Variants in WDR19 observed in about 807,000 individuals in gnomAD.
WDR19 encodes the protein WD repeat domain 19, also known as WD repeat-containing protein 19.
Under a neutral mutation model 180.0 loss-of-function variants are expected in WDR19, and 121 were observed. The ratio of observed to expected loss-of-function variants is 0.67; its 90% CI spans 0.58 to 0.78. WDR19 has a LOEUF of 0.78. Among genes scored for constraint, WDR19 ranks in the 30% least tolerant of loss-of-function variants. The pLI is 0.00. For synonymous variants in WDR19, 497 were observed against 540.7 expected (o/e 0.92, Z 1.12); for missense variants, 1,450 against 1,640.7 (o/e 0.88, Z 2.01).
chr4:39,247,106 T>A (rs1453589648), intron 24 of WDR19, among the ~76,000 whole-genome samples: 3 of 152,052 alleles, frequency 2.0e-5, no homozygotes, highest in Non-Finnish European at 2.9e-5. Flanking sequence ...CACCCCCCAG[T>A]AGGGGCGGAC....
chr4:39,269,667 GA>G (rs544701885), intron 30 of WDR19, among the ~76,000 whole-genome samples: 27 of 152,280 alleles, frequency 1.8e-4, no homozygotes, highest in Non-Finnish European at 2.5e-4. Context: ...GCAACATGGT[GA>G]AAACCTTGTC....
chr4:39,266,289 C>T, intron 29 of WDR19, 149 bp downstream of exon 29: 1 of 543,990 alleles, frequency 1.8e-6, no homozygotes, highest in Non-Finnish European at 3.1e-6. Flanking sequence ...AGCGTCCAAT[C>T]TTTTTGCTTC....
chr4:39,254,500 C>T (rs1429287919), intron 26 of WDR19, among the ~76,000 whole-genome samples: 1 of 152,076 alleles, frequency 6.6e-6, no homozygotes, highest in Admixed American at 6.6e-5. Flanking sequence ...ATTTGATATT[C>T]TGAGAATGCC....
chr4:39,244,419 G>A, intron 22 of WDR19, 31 bp downstream of exon 22: 1 of 1,613,800 alleles, frequency 6.2e-7, no homozygotes, highest in Non-Finnish European at 8.5e-7. Context: ...ATATACATGT[G>A]GTCTTTTATA....
intron 27 of WDR19, among the ~76,000 whole-genome samples, chr4:39,256,298 A>G (rs1046037560): frequency 4.6e-5 from 7 of 152,112 alleles, no homozygotes; most frequent in African/African-American, 1.7e-4. Flanking sequence ...TTGTTCCCCA[A>G]ATAATAGTTG....
At chr4:39,228,732 T>G (rs1305625706) in intron 17 of WDR19, 42 bp downstream of exon 17, 22 of 1,491,910 alleles carry the variant, frequency 1.5e-5, no homozygotes, top group Non-Finnish European at 2.0e-5. Context: ...TCATTTGCTT[T>G]TGTGATTTTA....
intron 36 of WDR19, among the ~76,000 whole-genome samples, chr4:39,282,486 C>A (rs1736644535): frequency 6.6e-6 from 1 of 152,168 alleles, no homozygotes; most frequent in South Asian, 2.1e-4. Flanking sequence ...CAACCTCTGC[C>A]TCCCGGGTTC....
At chr4:39,278,355 C>A (rs745636735) in intron 35 of WDR19, 148 bp downstream of exon 35, 8 of 871,342 alleles carry the variant, frequency 9.2e-6, no homozygotes, top group Admixed American at 5.8e-5. Context: ...CCTCCTGTGA[C>A]CTTTGAGAAT....
chr4:39,239,069 C>A (rs148706038), intron 20 of WDR19, among the ~76,000 whole-genome samples: 1 of 151,996 alleles, frequency 6.6e-6, no homozygotes, highest in Non-Finnish European at 1.5e-5. Context: ...CTCTGCCTCC[C>A]GGGTTCAAGC....
intron 6 of WDR19, among the ~76,000 whole-genome samples, chr4:39,203,153 G>A (rs1727557296): frequency 7.1e-6 from 1 of 141,190 alleles, no homozygotes; most frequent in Non-Finnish European, 1.5e-5. Flanking sequence ...GCTCTGAAGT[G>A]CAGTGGCATG....
intron 5 of WDR19, among the ~76,000 whole-genome samples, chr4:39,194,957 G>A (rs1335101834): frequency 6.6e-6 from 1 of 152,142 alleles, no homozygotes; most frequent in Admixed American, 6.5e-5. Flanking sequence ...CTCTGGACGA[G>A]GAATAGCTCA....
At chr4:39,275,169 A>G (rs1302653228) in intron 33 of WDR19, 7 of 576,492 alleles carry the variant, frequency 1.2e-5, no homozygotes, top group East Asian at 3.5e-5. Flanking sequence ...ATGAAACCCT[A>G]TCTCTACTAA....
intron 24 of WDR19, among the ~76,000 whole-genome samples, chr4:39,250,083 G>A (rs1732990133): frequency 6.6e-6 from 1 of 152,130 alleles, no homozygotes; most frequent in African/African-American, 2.4e-5. Flanking sequence ...GAACATCGAT[G>A]CAAAAATCCT....
At chr4:39,194,879 G>C in intron 5 of WDR19, 1 of 477,412 alleles carries the variant, frequency 2.1e-6, no homozygotes, top group African/African-American at 1.9e-5. Context: ...GTTAAAGTCA[G>C]GCTGTGCCTT....
rs563965291 is a variant in WDR19 at position 39,189,699 on chromosome 4, G to T, written c.208G>T (p.Ala70Ser). 6.2e-7 allele frequency: 1 copy of T among 1,611,776 alleles called. No homozygotes were observed. Among genetic ancestry groups the T allele is most frequent in the East Asian group, 2.2e-5 (1 of 44,710 alleles). The change falls in exon 4 of 37, where the codon GCA becomes TCA. Residue 70 changes from alanine (A) to serine (S), a missense_variant. By Grantham distance (99) the Ala-to-Ser change is moderately conservative (BLOSUM62 1). Transcript: ENST00000399820. ...TTGGGATAAAGATGGAGATGTCCTA[G>T]CAGTGATTGCTGAGAAATCTAGCTG... ...MDWDKDGDVL[A>S]VIAEKSSCIY...
In WDR19 at chr4:39,228,314, T is replaced by TGATAA. The variant is rs749443825; in HGVS notation, c.1736_1740dup (p.Val581IlefsTer40). The stretch of plus-strand genomic sequence containing the variant: ...AAGGTGTATTTATTGCTTATGATGA[T>TGATAA]GATAAGGTGTACACTTATGTCTTTC... On this transcript the variant is annotated frameshift_variant, in exon 16 of 37. Coordinates refer to ENST00000399820, the MANE Select transcript of WDR19 (RefSeq NM_025132.4). LOFTEE classifies it high-confidence loss of function. 1 of 1,613,432 alleles carries TGATAA rather than the reference T, an allele frequency of 6.2e-7. No individual in the cohort carries two copies.
intron 1 of WDR19, among the ~76,000 whole-genome samples, chr4:39,184,344 A>G (rs1725287127): frequency 6.6e-6 from 1 of 151,294 alleles, no homozygotes; most frequent in East Asian, 2.0e-4. Flanking sequence ...CAGGAGGCGG[A>G]GGTTGCAGTG....
chr4:39,207,057 G>C (rs1047881717), intron 9 of WDR19, among the ~76,000 whole-genome samples: 1 of 152,312 alleles, frequency 6.6e-6, no homozygotes, highest in African/African-American at 2.4e-5. Flanking sequence ...AGATTATGCA[G>C]ATAGCAGATA....
rs925959570 is a variant in WDR19, at chr4:39,186,845, G to A, written c.164+241G>A. On this transcript the variant is annotated intron_variant, in intron 3 of 36. Transcript: ENST00000399820. ...TTACGGCAGGATTATAAATCAGACC[G>A]TGTGAAAGAATTAGAGTCCACACGA... Among the ~76,000 whole-genome samples, 17 of 152,122 alleles carry A rather than the reference G, an allele frequency of 1.1e-4. No individual in the cohort carries two copies. The highest frequency in any genetic ancestry group is 2.6e-4 in the Admixed American group (4 of 15,274).
Sources: allele counts gnomAD v4.1 joint callset (sites outside exome capture counted in the v4.1 genomes callset), GRCh38; gene constraint gnomAD v4.1.1; transcripts MANE v1.5; gene names NCBI Gene and HGNC (gene_info 2026-07-23, HGNC 2026-07-21).